CAMKMT: variants seen among roughly 807,000 people sequenced by gnomAD.
The protein encoded by CAMKMT is CaM KMT.
In CAMKMT, 53 loss-of-function variants were observed where a neutral mutation model predicts 48.0. The ratio of observed to expected loss-of-function variants is 1.10; its 90% confidence interval spans 0.89 to 1.39. The LOEUF is 1.39. Among genes scored for constraint, CAMKMT ranks in the 40% most tolerant of loss-of-function variants. The pLI is 0.00. For synonymous variants in CAMKMT, 165 were observed against 152.3 expected, an observed-to-expected ratio of 1.08 and a Z score of -0.61; for missense variants, 428 against 402.7, an observed-to-expected ratio of 1.06 and a Z score of -0.54.
In CAMKMT at chr2:44,772,292, C is replaced by T. The variant is rs1681148977; in HGVS notation, c.*179C>T. The T allele has an allele frequency of 1.8e-6, 1 of 549,680 alleles. No individual in the cohort carries two copies. The highest frequency in any genetic ancestry group is 3.2e-6 in the Non-Finnish European group (1 of 310,872). 34.1% of individuals were successfully genotyped at this position (549,680 alleles called of 1,614,324 possible). On this transcript the variant is annotated 3_prime_UTR_variant, in exon 11 of 11. Coordinates refer to ENST00000378494, the MANE Select transcript of CAMKMT (RefSeq NM_024766.5). ...TTCCCCAGCTGCCCTCTCCAGCTCC[C>T]TCCCCGCCTCTTTTTACACTCTGCT...
chr2:44,399,368 G>C (rs1459278827), intron 3 of CAMKMT, among the ~76,000 whole-genome samples: 3 of 152,108 alleles, frequency 2.0e-5, no homozygotes, highest in African/African-American at 7.2e-5. Context: ...ACTGCCATTA[G>C]ATACAAGTAA....
At chr2:44,418,333 C>T (rs749776716) in intron 3 of CAMKMT, among the ~76,000 whole-genome samples, 11 of 149,114 alleles carry the variant, frequency 7.4e-5, no homozygotes, top group Non-Finnish European at 1.0e-4. Flanking sequence ...ATGTGTTCTT[C>T]TAGAAGTTTT....
chr2:44,361,986 G>C lies in CAMKMT; in HGVS notation c.-22G>C. On this transcript the variant is annotated 5_prime_UTR_variant, in exon 1 of 11. Transcript: ENST00000378494. The stretch of plus-strand genomic sequence containing the variant: ...GACGAGCTGCGGCGGTGGCACCTCC[G>C]GGTGTGGAAGGCTCCAGTGAGATGG... 2 of 1,371,400 alleles carry C rather than the reference G, an allele frequency of 1.5e-6. No homozygotes were observed. The highest frequency in any genetic ancestry group is 1.7e-5 in the South Asian group (1 of 58,668). 85.0% of individuals were successfully genotyped at this position (1,371,400 alleles called of 1,614,324 possible). A position where few individuals can be genotyped will look rare whatever the true frequency, so the allele number is the denominator to read the frequency against.
chr2:44,511,610 T>G (rs1426374967), intron 3 of CAMKMT, among the ~76,000 whole-genome samples: 3 of 152,208 alleles, frequency 2.0e-5, no homozygotes, highest in African/African-American at 7.2e-5. Flanking sequence ...TTTTTATGGC[T>G]GACTAGTATT....
intron 3 of CAMKMT, among the ~76,000 whole-genome samples, chr2:44,433,599 T>G (rs1205055463): frequency 2.6e-5 from 4 of 152,198 alleles, no homozygotes; most frequent in African/African-American, 9.7e-5. Context: ...TGCCTTTGTT[T>G]CATGCAAAAT....
intron 3 of CAMKMT, among the ~76,000 whole-genome samples, chr2:44,449,833 A>G (rs1486764330): frequency 6.6e-6 from 1 of 152,160 alleles, no homozygotes; most frequent in East Asian, 1.9e-4. Flanking sequence ...GGGGGTTAGT[A>G]CTAGAAATTT....
intron 3 of CAMKMT, among the ~76,000 whole-genome samples, chr2:44,663,860 T>G (rs1341769845): frequency 6.6e-6 from 1 of 152,168 alleles, no homozygotes; most frequent in Non-Finnish European, 1.5e-5. Flanking sequence ...CCACAAATAG[T>G]CTTGCCTTTT....
intron 3 of CAMKMT, among the ~76,000 whole-genome samples, chr2:44,412,897 G>A (rs909751012): frequency 5.3e-5 from 8 of 151,500 alleles, no homozygotes; most frequent in African/African-American, 9.7e-5. Context: ...CCAACATGGT[G>A]AAACCCCGTC....
At chr2:44,686,146 C>A (rs375880067) in intron 3 of CAMKMT, among the ~76,000 whole-genome samples, 1 of 152,124 alleles carries the variant, frequency 6.6e-6, no homozygotes, top group East Asian at 1.9e-4. Flanking sequence ...GTAATCCCAG[C>A]ACTTTGGGAG....
At chr2:44,607,505 TG>T (rs1671351778) in intron 3 of CAMKMT, among the ~76,000 whole-genome samples, 1 of 152,226 alleles carries the variant, frequency 6.6e-6, no homozygotes, top group Non-Finnish European at 1.5e-5. Context: ...AAAGCACCAG[TG>T]ATTTACTCAA....
chr2:44,620,238 C>T (rs1181234077), intron 3 of CAMKMT, among the ~76,000 whole-genome samples: 9 of 152,050 alleles, frequency 5.9e-5, no homozygotes, highest in Admixed American at 3.3e-4. Context: ...ATTTTTCTTC[C>T]CAAATCTGTT....
At chr2:44,424,276 G>C (rs1372939971) in intron 3 of CAMKMT, among the ~76,000 whole-genome samples, 1 of 151,922 alleles carries the variant, frequency 6.6e-6, no homozygotes, top group East Asian at 1.9e-4. Flanking sequence ...ACCGGTTTTA[G>C]GAAGGAATGG....
intron 3 of CAMKMT, among the ~76,000 whole-genome samples, chr2:44,596,557 G>GC (rs930707184): frequency 6.6e-6 from 1 of 151,972 alleles, no homozygotes; most frequent in African/African-American, 2.4e-5. Context: ...TCTCTAACAA[G>GC]CCCCCCATCT....
chr2:44,668,149 C>G (rs1177795044), intron 3 of CAMKMT, among the ~76,000 whole-genome samples: 2 of 152,166 alleles, frequency 1.3e-5, no homozygotes, highest in African/African-American at 4.8e-5. Context: ...TATCTCCTCT[C>G]CTATTATTCT....
chr2:44,461,303 C>G (rs946793992), intron 3 of CAMKMT, among the ~76,000 whole-genome samples: 2 of 151,964 alleles, frequency 1.3e-5, no homozygotes, highest in Non-Finnish European at 2.9e-5. Flanking sequence ...TATGTGCTGG[C>G]TCTCTTCTAA....
intron 7 of CAMKMT, among the ~76,000 whole-genome samples, chr2:44,725,868 T>A (rs1678755267): frequency 6.6e-6 from 1 of 151,868 alleles, no homozygotes; most frequent in Admixed American, 6.6e-5. Context: ...TTATTTAAGA[T>A]ACAAGGAGTA....
intron 3 of CAMKMT, among the ~76,000 whole-genome samples, chr2:44,417,869 G>A (rs555345823): frequency 6.6e-6 from 1 of 152,200 alleles, no homozygotes; most frequent in Middle Eastern, 3.4e-3. Context: ...TATGTCAAAT[G>A]TTTTGCCCAT....
At chr2:44,414,250 T>C (rs1295312241) in intron 3 of CAMKMT, among the ~76,000 whole-genome samples, 1 of 152,180 alleles carries the variant, frequency 6.6e-6, no homozygotes. Flanking sequence ...TGCCCCAAAT[T>C]TAGCAGCTTA....
In CAMKMT at chr2:44,521,114, T is replaced by A. The variant is rs181078897; in HGVS notation, c.376+130809T>A. Among the ~76,000 whole-genome samples, 124 of 152,300 alleles carry A rather than the reference T, an allele frequency of 8.1e-4. 1 individual carries two copies. Among genetic ancestry groups the A allele is most frequent in the Non-Finnish European group, 1.3e-3 (91 of 68,020 alleles). On this transcript the variant is annotated intron_variant, in intron 3 of 10. Transcript: ENST00000378494. ...ATCAGCACAACCTATCTCCACAAGGTTGATACTGAAGTTGAAAGTGACATA... is the reference window on the plus strand; with the variant it reads ...ATCAGCACAACCTATCTCCACAAGGATGATACTGAAGTTGAAAGTGACATA...
Sources: allele counts gnomAD v4.1 joint callset (sites outside exome capture counted in the v4.1 genomes callset), GRCh38; gene constraint gnomAD v4.1.1; transcripts MANE v1.5; gene names NCBI Gene and HGNC (gene_info 2026-07-23, HGNC 2026-07-21).